The following SCRN1 variants were observed in gnomAD, a reference collection of about 807,000 sequenced individuals.
SCRN1 encodes secernin-1.
In SCRN1, 19 loss-of-function variants were observed where a neutral mutation model predicts 43.3. The observed-to-expected ratio is 0.44, with a 90% CI of 0.31 to 0.64. The LOEUF (loss-of-function observed/expected upper bound fraction) is 0.64. Among genes scored for constraint, SCRN1 ranks in the 30% least tolerant of loss-of-function variants. SCRN1 has a pLI of 0.09. For missense variants in SCRN1, 447 were observed against 524.1 expected, an observed-to-expected ratio of 0.85 and a Z score of 1.44; for synonymous variants, 183 against 188.9, an observed-to-expected ratio of 0.97 and a Z score of 0.26.
At chr7:29,948,944 G>C (rs759065649) in intron 3 of SCRN1, among the ~76,000 whole-genome samples, 1 of 152,182 alleles carries the variant, frequency 6.6e-6, no homozygotes, top group Non-Finnish European at 1.5e-5. Flanking sequence ...TTCTGACAAA[G>C]AGGTTCCAAA....
chr7:29,957,033 T>C (rs935565247), intron 2 of SCRN1, among the ~76,000 whole-genome samples: 8 of 152,334 alleles, frequency 5.3e-5, no homozygotes, highest in African/African-American at 1.7e-4. Flanking sequence ...AACTTTTGTC[T>C]TGAAAACAAT....
intron 1 of SCRN1, among the ~76,000 whole-genome samples, chr7:29,975,409 C>A (rs1400059934): frequency 6.6e-6 from 1 of 152,178 alleles, no homozygotes; most frequent in African/African-American, 2.4e-5. Context: ...TTCAGTGTTA[C>A]ACTATAGGCC....
At position 29,922,909 on chromosome 7, in the gene SCRN1, G is replaced by A. The variant is rs1295433803; in HGVS notation, c.*1048C>T. The A allele has an allele frequency of 2.6e-5, 4 of 152,190 alleles. No homozygotes were observed. Among genetic ancestry groups the A allele is most frequent in the African/African-American group, 9.7e-5 (4 of 41,418 alleles). 9.4% of individuals were successfully genotyped at this position (152,190 alleles called of 1,614,324 possible). A position where few individuals can be genotyped will look rare whatever the true frequency, so the allele number is the denominator to read the frequency against. ...TAAGTCAAATCCTTTAAGTGAACCC[G>A]ACATTGGAAACAAATCAGTTTAATT... On this transcript the variant is annotated 3_prime_UTR_variant, in exon 8 of 8. Coordinates refer to ENST00000242059, the MANE Select transcript of SCRN1 (RefSeq NM_014766.5).
At chr7:29,964,030 A>C (rs1332411266) in intron 2 of SCRN1, among the ~76,000 whole-genome samples, 1 of 152,240 alleles carries the variant, frequency 6.6e-6, no homozygotes, top group Non-Finnish European at 1.5e-5. Context: ...GATATGCATG[A>C]AATTAATAAG....
intron 2 of SCRN1, among the ~76,000 whole-genome samples, chr7:29,956,878 C>A (rs984231792): frequency 6.6e-6 from 1 of 152,156 alleles, no homozygotes; most frequent in Non-Finnish European, 1.5e-5. Context: ...ACGAAGCTGG[C>A]CAGAGCAGTA....
intron 3 of SCRN1, among the ~76,000 whole-genome samples, chr7:29,944,897 C>G (rs576997490): frequency 1.3e-5 from 2 of 152,158 alleles, no homozygotes; most frequent in East Asian, 3.9e-4. Context: ...TGACTCTAAC[C>G]TGGGCAAAAG....
chr7:29,973,881 A>G (rs1228893026), intron 1 of SCRN1, among the ~76,000 whole-genome samples: 1 of 152,238 alleles, frequency 6.6e-6, no homozygotes, highest in Non-Finnish European at 1.5e-5. Flanking sequence ...CTTGTCCAGC[A>G]TCAGAGAACT....
intron 2 of SCRN1, among the ~76,000 whole-genome samples, chr7:29,966,233 G>C (rs1163737289): frequency 1.4e-5 from 2 of 145,504 alleles, no homozygotes; most frequent in South Asian, 2.2e-4. Flanking sequence ...CCCAGCCCTG[G>C]AAGTCACATA....
chr7:29,969,083 C>T lies in SCRN1; in HGVS notation c.-1-15G>A, dbSNP rs1373122644. 1 of 1,608,264 alleles carries T rather than the reference C, an allele frequency of 6.2e-7. No individual in the cohort carries two copies. The highest frequency in any genetic ancestry group is 1.1e-5 in the South Asian group (1 of 90,274). On this transcript the variant is annotated splice_polypyrimidine_tract_variant and intron_variant, in intron 1 of 7. Coordinates refer to ENST00000242059, the MANE Select transcript of SCRN1 (RefSeq NM_014766.5). ...CTGCAGCCATCCTGAAAAGAGAATG[C>T]CAGCAAGAGTGGAAGCAGGCCTCAC... is the stretch of plus-strand genomic sequence containing the variant.
At chr7:29,969,242 CAG>C in intron 1 of SCRN1, 174 bp from the exon 2 acceptor site, 1 of 636,004 alleles carries the variant, frequency 1.6e-6, no homozygotes, top group Non-Finnish European at 2.6e-6. Flanking sequence ...AGTGGAATGA[CAG>C]AGCCACCGAG....
chr7:29,923,046 C>T lies in SCRN1; in HGVS notation c.*911G>A, dbSNP rs1786820161. 8.1e-6 allele frequency: 1 copy of T among 122,756 alleles called. No individual in the cohort carries two copies. Among genetic ancestry groups the T allele is most frequent in the African/African-American group, 2.5e-5 (1 of 40,500 alleles). The allele number at this position is 122,756 out of a possible 1,614,324, so 7.6% of individuals were successfully genotyped here. On this transcript the variant is annotated 3_prime_UTR_variant, in exon 8 of 8. Transcript: ENST00000242059. The stretch of plus-strand genomic sequence containing the variant: ...TTTCCCTCCTTGGCTGAGAGATTCA[C>T]TACTCTGTGGGTGGAACTGTGCCAT...
chr7:29,964,901 A>G (rs147530771), intron 2 of SCRN1, among the ~76,000 whole-genome samples: 1,747 of 152,216 alleles, frequency 0.011, 34 homozygotes, highest in African/African-American at 0.041. Context: ...AAGATTGTGC[A>G]ACTGCACTCT....
rs771207512 is a variant in SCRN1 at position 29,955,256 on chromosome 7, C to A, written c.264G>T (p.Val88=). The change falls in exon 3 of 8, where the codon GTG becomes GTT. Residue 88 remains valine, a synonymous_variant. Transcript: ENST00000242059. ...TGTTGATGGCTTCATTGGCTATGCA[C>A]ACTCCATGTTCATTGGCTCCCATTT... The part of the protein sequence containing the change: ...GAEMGANEHG[V]CIANEAINTR... The A allele has an allele frequency of 6.2e-7, 1 of 1,614,150 alleles. No individual in the cohort carries two copies. Among genetic ancestry groups the A allele is most frequent in the Admixed American group, 1.7e-5 (1 of 60,028 alleles).
rs772209053 is a variant in SCRN1, at chr7:29,987,783, T to C, written c.-2+1859A>G. Among the ~76,000 whole-genome samples, 10 of 152,204 alleles carry C rather than the reference T, an allele frequency of 6.6e-5. No homozygotes were observed. In the South Asian group the frequency reaches 1.2e-3, roughly 19 times the overall value. On this transcript the variant is annotated intron_variant, in intron 1 of 7. Coordinates refer to ENST00000242059, the MANE Select transcript of SCRN1 (RefSeq NM_014766.5). ...TAGCATGTGGAACCCGGGGGAGTTA[T>C]GAGACCTGGATTTGGGTTCTCACTG...
chr7:29,920,493 C>T lies in SCRN1; in HGVS notation c.*3464G>A, dbSNP rs1448690900. On this transcript the variant is annotated 3_prime_UTR_variant, in exon 8 of 8. Transcript: ENST00000242059. ...AAGCCACGGCTACGGGAAGCATAAG[C>T]TTGTGCTGCAACGGCATGTGCACAT... is the stretch of plus-strand genomic sequence containing the variant. 6.6e-6 allele frequency: 1 copy of T among 152,312 alleles called. No individual in the cohort carries two copies. Among genetic ancestry groups the T allele is most frequent in the Non-Finnish European group, 1.5e-5 (1 of 68,128 alleles). 9.4% of individuals were successfully genotyped at this position (152,312 alleles called of 1,614,324 possible). A position where few individuals can be genotyped will look rare whatever the true frequency, so the allele number is the denominator to read the frequency against.
At chr7:29,964,853 C>T (rs1310582038) in intron 2 of SCRN1, among the ~76,000 whole-genome samples, 1 of 152,050 alleles carries the variant, frequency 6.6e-6, no homozygotes, top group East Asian at 1.9e-4. Context: ...GAAGCAAGAG[C>T]ATCGCTTGAA....
At position 29,922,681 on chromosome 7, in the gene SCRN1, T is replaced by G. The variant is rs1786807347; in HGVS notation, c.*1276A>C. On this transcript the variant is annotated 3_prime_UTR_variant, in exon 8 of 8. Transcript: ENST00000242059. Reference sequence around the variant, plus strand: ...GGCAGCTCCTGGGACATGTGAGGTGTGAGGAGTGGGGGGAAGATCCAGGGA... The same window carrying G: ...GGCAGCTCCTGGGACATGTGAGGTGGGAGGAGTGGGGGGAAGATCCAGGGA... The G allele has an allele frequency of 6.6e-6, 1 of 152,228 alleles. No individual in the cohort carries two copies. Among genetic ancestry groups the G allele is most frequent in the Admixed American group, 6.6e-5 (1 of 15,264 alleles). 9.4% of individuals were successfully genotyped at this position (152,228 alleles called of 1,614,324 possible).
intron 3 of SCRN1, among the ~76,000 whole-genome samples, chr7:29,945,405 G>A (rs1029369583): frequency 6.6e-6 from 1 of 152,126 alleles, no homozygotes; most frequent in African/African-American, 2.4e-5. Context: ...AGGGGCTCCC[G>A]CATTTGCTTC....
chr7:29,923,811 A>T lies in SCRN1; in HGVS notation c.*146T>A, dbSNP rs1786849348. 1.2e-6 allele frequency: 1 copy of T among 847,120 alleles called. No homozygotes were observed. The highest frequency in any genetic ancestry group is 1.9e-6 in the Non-Finnish European group (1 of 536,178). The allele number at this position is 847,120 out of a possible 1,614,324, so 52.5% of individuals were successfully genotyped here. A position where few individuals can be genotyped will look rare whatever the true frequency, so the allele number is the denominator to read the frequency against. On this transcript the variant is annotated 3_prime_UTR_variant, in exon 8 of 8. Coordinates refer to ENST00000242059, the MANE Select transcript of SCRN1 (RefSeq NM_014766.5). ...GGGACGCTGTGAGATTCAAGGTGGA[A>T]CACAAGGTAACAGTTTGATCTGGCT...
Sources: gnomAD v4.1 joint callset for allele counts (sites outside exome capture counted in the v4.1 genomes callset) on GRCh38, gnomAD v4.1.1 for gene constraint, MANE v1.5 for transcripts, NCBI Gene and HGNC (gene_info 2026-07-23, HGNC 2026-07-21) for gene names.